Variants in ZNF713 observed in about 807,000 individuals in gnomAD.
ZNF713 encodes the protein zinc finger protein 713.
Under a neutral mutation model 28.7 loss-of-function variants are expected in ZNF713, and 21 were observed. That is an observed-to-expected ratio of 0.73 (90% CI 0.52 to 1.05). The LOEUF (loss-of-function observed/expected upper bound fraction) is 1.05. Among genes scored for constraint, ZNF713 ranks in the 50% least tolerant of loss-of-function variants. The pLI is 0.00. For missense variants in ZNF713, 458 were observed against 532.4 expected (o/e 0.86, Z 1.37); for synonymous variants, 167 against 178.0 (o/e 0.94, Z 0.49).
At chr7:55,913,057 A>G (rs971632394) in intron 4 of ZNF713, among the ~76,000 whole-genome samples, 23 of 152,182 alleles carry the variant, frequency 1.5e-4, no homozygotes, top group Admixed American at 6.5e-4. Flanking sequence ...AAACACAGTG[A>G]CTGATGCCGA....
intron 4 of ZNF713, among the ~76,000 whole-genome samples, chr7:55,914,377 T>C (rs1308905258): frequency 2.0e-5 from 3 of 152,078 alleles, no homozygotes; most frequent in Non-Finnish European, 2.9e-5. Flanking sequence ...TTGTTTTTTG[T>C]AGAGACAAGG....
At chr7:55,900,985 T>G (rs1466933781) in intron 1 of ZNF713, among the ~76,000 whole-genome samples, 1 of 152,190 alleles carries the variant, frequency 6.6e-6, no homozygotes, top group Non-Finnish European at 1.5e-5. Flanking sequence ...ATGCATTGTA[T>G]ATTTCAAAAT....
intron 2 of ZNF713, among the ~76,000 whole-genome samples, chr7:55,907,325 C>T (rs1157281896): frequency 6.6e-6 from 1 of 152,088 alleles, no homozygotes; most frequent in East Asian, 1.9e-4. Flanking sequence ...AGGTGCACTG[C>T]CTTCCAGTTG....
At chr7:55,907,226 G>T (rs1206459750) in intron 2 of ZNF713, among the ~76,000 whole-genome samples, 1 of 152,106 alleles carries the variant, frequency 6.6e-6, no homozygotes, top group Non-Finnish European at 1.5e-5. Flanking sequence ...CACTGTGGAC[G>T]CATTGCATAG....
chr7:55,900,524 A>T (rs376999703), intron 1 of ZNF713, among the ~76,000 whole-genome samples: 2 of 152,278 alleles, frequency 1.3e-5, no homozygotes, highest in African/African-American at 4.8e-5. Context: ...CTTCAAAAAG[A>T]GGGAAATTAT....
At chr7:55,900,969 C>T (rs1785564835) in intron 1 of ZNF713, among the ~76,000 whole-genome samples, 1 of 152,074 alleles carries the variant, frequency 6.6e-6, no homozygotes, top group Non-Finnish European at 1.5e-5. Flanking sequence ...CTGCGTCTTG[C>T]TGATAATGCA....
intron 6 of ZNF713, among the ~76,000 whole-genome samples, chr7:55,934,549 G>T (rs77576141): frequency 0.026 from 4,027 of 152,140 alleles, 180 homozygotes; most frequent in African/African-American, 0.092. Flanking sequence ...GGTCTCCCAG[G>T]CTTAGGTACA....
rs563336286 is a variant in ZNF713 at position 55,940,176 on chromosome 7, G to T, written c.*170G>T. ...CTCACTCTGTCACCCAGGCTGAAGT[G>T]CAGTGGTACAATCTTGGCTCACTGC... On this transcript the variant is annotated 3_prime_UTR_variant, in exon 7 of 7. Coordinates refer to ENST00000429591, the MANE Select transcript of ZNF713 (RefSeq NM_182633.3). 4.9e-6 allele frequency: 6 copies of T among 1,216,688 alleles called. No homozygotes were observed. In the African/African-American group the frequency reaches 9.2e-5, roughly 19 times the overall value. 75.4% of individuals were successfully genotyped at this position (1,216,688 alleles called of 1,614,324 possible).
intron 1 of ZNF713, among the ~76,000 whole-genome samples, chr7:55,890,328 T>C (rs552872398): frequency 6.6e-6 from 1 of 151,710 alleles, no homozygotes; most frequent in South Asian, 2.1e-4. Context: ...TGGGTGCCTG[T>C]AATCCCAGCA....
At chr7:55,927,644 C>A (rs1285382737) in intron 6 of ZNF713, among the ~76,000 whole-genome samples, 1 of 151,870 alleles carries the variant, frequency 6.6e-6, no homozygotes, top group Non-Finnish European at 1.5e-5. Context: ...CGCCTGCAAT[C>A]CCAGCACTTT....
intron 6 of ZNF713, among the ~76,000 whole-genome samples, chr7:55,928,406 G>T (rs1272264891): frequency 6.6e-6 from 1 of 152,210 alleles, no homozygotes; most frequent in Non-Finnish European, 1.5e-5. Context: ...ACAGGAAGTA[G>T]AATGAGGCCT....
intron 1 of ZNF713, among the ~76,000 whole-genome samples, chr7:55,901,469 A>G (rs1785575780): frequency 6.6e-6 from 1 of 152,234 alleles, no homozygotes; most frequent in Non-Finnish European, 1.5e-5. Context: ...ATATATATTA[A>G]TGCATCACAT....
Position 55,940,067 on chromosome 7 carries a change from T to G in ZNF713, c.*61T>G. 6.7e-6 allele frequency: 10 copies of G among 1,501,446 alleles called. No homozygotes were observed. Among genetic ancestry groups the G allele is most frequent in the Non-Finnish European group, 8.9e-6 (10 of 1,129,658 alleles). 93.0% of individuals were successfully genotyped at this position (1,501,446 alleles called of 1,614,324 possible). The stretch of plus-strand genomic sequence containing the variant: ...TAGGAGATTTTTTGGTCAGACCTTT[T>G]TATCCCATTCAATATCAAATTATTC... On this transcript the variant is annotated 3_prime_UTR_variant, in exon 7 of 7. Coordinates refer to ENST00000429591, the MANE Select transcript of ZNF713 (RefSeq NM_182633.3).
At chr7:55,935,449 G>C (rs1218282151) in intron 6 of ZNF713, among the ~76,000 whole-genome samples, 1 of 151,970 alleles carries the variant, frequency 6.6e-6, no homozygotes. Context: ...TCCTGTTTTG[G>C]TTTAAAAATA....
chr7:55,909,514 T>C (rs1245860263), intron 2 of ZNF713, among the ~76,000 whole-genome samples: 2 of 152,234 alleles, frequency 1.3e-5, no homozygotes, highest in African/African-American at 4.8e-5. Flanking sequence ...TTGCTTTGGT[T>C]ATTCAGGCTC....
At chr7:55,890,786 G>A (rs981382217) in intron 1 of ZNF713, among the ~76,000 whole-genome samples, 14 of 151,990 alleles carry the variant, frequency 9.2e-5, no homozygotes, top group Admixed American at 2.0e-4. Context: ...TTGGGAGGCC[G>A]AGGTGGATGG....
chr7:55,888,799 G>GC (rs2116150057), intron 1 of ZNF713, among the ~76,000 whole-genome samples: 1 of 152,124 alleles, frequency 6.6e-6, no homozygotes, highest in African/African-American at 2.4e-5. Context: ...TGTAATCGCA[G>GC]CACTTTGGGA....
intron 1 of ZNF713, among the ~76,000 whole-genome samples, chr7:55,904,600 G>A (rs1262459470): frequency 6.6e-6 from 1 of 151,672 alleles, no homozygotes; most frequent in African/African-American, 2.4e-5. Flanking sequence ...AGAGAACTGA[G>A]AAATGGGCGA....
At chr7:55,934,772 T>A (rs1393598925) in intron 6 of ZNF713, among the ~76,000 whole-genome samples, 1 of 152,124 alleles carries the variant, frequency 6.6e-6, no homozygotes, top group African/African-American at 2.4e-5. Context: ...CCCAAAATGC[T>A]AAGATTACAA....
Sources: gnomAD v4.1 joint callset for allele counts (sites outside exome capture counted in the v4.1 genomes callset) on GRCh38, gnomAD v4.1.1 for gene constraint, MANE v1.5 for transcripts, NCBI Gene and HGNC (gene_info 2026-07-23, HGNC 2026-07-21) for gene names.